BMP7: variants seen among roughly 807,000 people sequenced by gnomAD.
BMP7 encodes the protein bone morphogenetic protein 7, also known as osteogenic protein 1.
In BMP7, 12 loss-of-function variants were observed where a neutral mutation model predicts 41.2. The observed-to-expected ratio is 0.29, with a 90% CI of 0.19 to 0.47. The LOEUF is 0.47. Among genes scored for constraint, BMP7 ranks in the 20% least tolerant of loss-of-function variants. BMP7 has a pLI of 0.99. For synonymous variants in BMP7, 248 were observed against 250.0 expected, an observed-to-expected ratio of 0.99 and a Z score of 0.07; for missense variants, 467 against 606.0, an observed-to-expected ratio of 0.77 and a Z score of 2.41.
At chr20:57,222,929 G>A (rs1985223329) in intron 2 of BMP7, among the ~76,000 whole-genome samples, 1 of 151,692 alleles carries the variant, frequency 6.6e-6, no homozygotes, top group African/African-American at 2.4e-5. Flanking sequence ...CTGTGCCATT[G>A]AGACTGACAA....
At chr20:57,244,718 C>G (rs988974470) in intron 1 of BMP7, among the ~76,000 whole-genome samples, 1 of 152,202 alleles carries the variant, frequency 6.6e-6, no homozygotes, top group East Asian at 1.9e-4. Context: ...GAGACCTGTG[C>G]CTTGCCTGCT....
Position 57,265,689 on chromosome 20 carries a change from G to T in BMP7, c.418+16C>A. 6.3e-7 allele frequency: 1 copy of T among 1,592,184 alleles called. No homozygotes were observed. ...CCCCCGAAAGGAGACGCGTACCCTC[G>T]CCTGCCCTTACTCACCGAGGTTGAC... is the stretch of plus-strand genomic sequence containing the variant. On this transcript the variant is annotated intron_variant, in intron 1 of 6. Coordinates refer to ENST00000395863, the MANE Select transcript of BMP7 (RefSeq NM_001719.3).
intron 2 of BMP7, among the ~76,000 whole-genome samples, chr20:57,225,227 G>A (rs548005259): frequency 6.6e-5 from 10 of 152,148 alleles, no homozygotes; most frequent in Non-Finnish European, 1.0e-4. Context: ...CTGAACAGGC[G>A]AGCTGGAGGA....
At chr20:57,221,811 C>CAA (rs57893562) in intron 2 of BMP7, among the ~76,000 whole-genome samples, 65 of 127,284 alleles carry the variant, frequency 5.1e-4, no homozygotes, top group East Asian at 8.6e-4. Context: ...CCCTATCTCT[C>CAA]AAAAAAAAAA....
intron 1 of BMP7, among the ~76,000 whole-genome samples, chr20:57,250,752 G>C (rs1320935094): frequency 6.6e-6 from 1 of 152,172 alleles, no homozygotes; most frequent in African/African-American, 2.4e-5. Context: ...TGTGCCCCCA[G>C]CCGGCAAGGG....
intron 1 of BMP7, among the ~76,000 whole-genome samples, chr20:57,229,887 A>T (rs1008606023): frequency 6.6e-6 from 1 of 152,200 alleles, no homozygotes; most frequent in Non-Finnish European, 1.5e-5. Flanking sequence ...CATTAAAAAC[A>T]ATCTGGTTTA....
At chr20:57,241,868 G>A (rs150848606) in intron 1 of BMP7, among the ~76,000 whole-genome samples, 121 of 152,304 alleles carry the variant, frequency 7.9e-4, no homozygotes, top group African/African-American at 2.8e-3. Flanking sequence ...AAGGGTTTAG[G>A]GGATGGGGCA....
At position 57,184,059 on chromosome 20, in the gene BMP7, A is replaced by C. The variant is rs1415424583; in HGVS notation, c.761-140T>G. 11 of 1,001,586 alleles carry C rather than the reference A, an allele frequency of 1.1e-5. No homozygotes were observed. In the East Asian group the frequency reaches 2.9e-4, roughly 26 times the overall value. 62.0% of individuals were successfully genotyped at this position (1,001,586 alleles called of 1,614,324 possible). On this transcript the variant is annotated intron_variant, in intron 3 of 6. Coordinates refer to ENST00000395863, the MANE Select transcript of BMP7 (RefSeq NM_001719.3). ...TCCAGTAAGTATTTATTGAGTACTC[A>C]CTCTAGGCCAGGTACTGTTTAAGGA... is the stretch of plus-strand genomic sequence containing the variant.
intron 2 of BMP7, among the ~76,000 whole-genome samples, chr20:57,203,014 C>T (rs749652815): frequency 7.9e-5 from 12 of 152,134 alleles, no homozygotes; most frequent in Non-Finnish European, 1.6e-4. Flanking sequence ...TACTGTCCCA[C>T]GGGCTCAACA....
chr20:57,203,178 C>T (rs971402999), intron 2 of BMP7, among the ~76,000 whole-genome samples: 1 of 152,148 alleles, frequency 6.6e-6, no homozygotes, highest in Non-Finnish European at 1.5e-5. Flanking sequence ...TGTACCAGAG[C>T]AGATACTCTT....
chr20:57,181,954 G>A (rs1984092121), intron 4 of BMP7, among the ~76,000 whole-genome samples: 1 of 152,248 alleles, frequency 6.6e-6, no homozygotes, highest in African/African-American at 2.4e-5. Context: ...CAGAGATTAA[G>A]ACACTGGCAT....
intron 2 of BMP7, among the ~76,000 whole-genome samples, chr20:57,204,281 A>G (rs1984686378): frequency 6.6e-6 from 1 of 152,152 alleles, no homozygotes; most frequent in Non-Finnish European, 1.5e-5. Context: ...AGCTCTCCGT[A>G]CTAACACTGC....
intron 1 of BMP7, among the ~76,000 whole-genome samples, chr20:57,237,328 C>T (rs2066051799): frequency 6.6e-6 from 1 of 152,176 alleles, no homozygotes; most frequent in Non-Finnish European, 1.5e-5. Context: ...CCCGGAACGT[C>T]CCCGGTACCC....
intron 1 of BMP7, among the ~76,000 whole-genome samples, chr20:57,232,791 C>A (rs1373414636): frequency 6.6e-6 from 1 of 151,840 alleles, no homozygotes; most frequent in Non-Finnish European, 1.5e-5. Context: ...CTGAAACCCA[C>A]ATTGTCACAT....
chr20:57,250,520 G>A (rs2066107886), intron 1 of BMP7, among the ~76,000 whole-genome samples: 1 of 133,948 alleles, frequency 7.5e-6, no homozygotes, highest in South Asian at 2.4e-4. Context: ...GACAGAACCT[G>A]TCACCCTGAC....
chr20:57,214,496 G>A lies in BMP7; in HGVS notation c.612-11873C>T, dbSNP rs1027510009. ...TTGTCAACTCCAGGTCATCCAACCT[G>A]TAAGGCCCTGGATGGTCCGGCCCCT... On this transcript the variant is annotated intron_variant, in intron 2 of 6. Coordinates refer to ENST00000395863, the MANE Select transcript of BMP7 (RefSeq NM_001719.3). The surrounding 1 kb of genome is among the most constrained non-coding windows in gnomAD (Gnocchi z 4.0). Among the ~76,000 whole-genome samples, 1 of 152,124 alleles carries A rather than the reference G, an allele frequency of 6.6e-6. No individual in the cohort carries two copies. Among genetic ancestry groups the A allele is most frequent in the African/African-American group, 2.4e-5 (1 of 41,418 alleles).
chr20:57,218,269 C>T (rs1985080274), intron 2 of BMP7, among the ~76,000 whole-genome samples: 1 of 152,278 alleles, frequency 6.6e-6, no homozygotes, highest in African/African-American at 2.4e-5. Flanking sequence ...CTAGCCCCTA[C>T]ACCTGACTAG....
intron 2 of BMP7, among the ~76,000 whole-genome samples, chr20:57,226,900 C>T (rs1327927340): frequency 6.7e-6 from 1 of 148,522 alleles, no homozygotes; most frequent in Non-Finnish European, 1.5e-5. Context: ...CATCTCGGCT[C>T]ACTGCAACCT....
At chr20:57,198,153 CCTCCTCTCTA>C (rs1984544803) in intron 3 of BMP7, among the ~76,000 whole-genome samples, 1 of 140,534 alleles carries the variant, frequency 7.1e-6, no homozygotes, top group Non-Finnish European at 1.5e-5. Context: ...CTCCTCTCCC[CCTCCTCTCTA>C]TCCTCTCCTC....
Sources: allele counts gnomAD v4.1 joint callset (sites outside exome capture counted in the v4.1 genomes callset), GRCh38; gene constraint gnomAD v4.1.1; non-coding constraint Gnocchi (gnomAD v3.1); transcripts MANE v1.5; gene names NCBI Gene and HGNC (gene_info 2026-07-23, HGNC 2026-07-21).